Variants in SLC26A7 observed in about 807,000 individuals in gnomAD.
SLC26A7 encodes the protein solute carrier family 26 member 7, also known as anion exchange transporter.
In SLC26A7, 59 loss-of-function variants were observed where a neutral mutation model predicts 82.5. The observed-to-expected ratio is 0.72, with a 90% CI of 0.58 to 0.89. The LOEUF is 0.89. SLC26A7 is among the 40% of genes least tolerant of loss of function. SLC26A7 has a pLI of 0.00. For synonymous variants in SLC26A7, 271 were observed against 274.3 expected, an observed-to-expected ratio of 0.99 and a Z score of 0.12; for missense variants, 820 against 793.0, an observed-to-expected ratio of 1.03 and a Z score of -0.41.
chr8:91,310,970 T>C (rs994188149), intron 4 of SLC26A7, among the ~76,000 whole-genome samples: 1 of 152,198 alleles, frequency 6.6e-6, no homozygotes, highest in Non-Finnish European at 1.5e-5. Context: ...AATCCTGCTG[T>C]AAAACTTGTC....
chr8:91,324,800 A>G (rs1812890716), intron 5 of SLC26A7, among the ~76,000 whole-genome samples: 1 of 152,170 alleles, frequency 6.6e-6, no homozygotes, highest in Non-Finnish European at 1.5e-5. Context: ...GTCTGCTTAG[A>G]TAAGATGGCC....
intron 16 of SLC26A7, among the ~76,000 whole-genome samples, chr8:91,390,148 T>G (rs1472245499): frequency 6.7e-6 from 1 of 148,388 alleles, no homozygotes; most frequent in African/African-American, 2.5e-5. Context: ...TCTCGCTCTA[T>G]CGCCCAGGCT....
intron 2 of SLC26A7, among the ~76,000 whole-genome samples, chr8:91,270,268 C>CTTAA (rs1250327153): frequency 6.6e-6 from 1 of 152,184 alleles, no homozygotes; most frequent in Non-Finnish European, 1.5e-5. Flanking sequence ...AACTTAATCG[C>CTTAA]AGGCCTGCTA....
intron 2 of SLC26A7, among the ~76,000 whole-genome samples, chr8:91,254,554 T>C (rs1810749251): frequency 6.6e-6 from 1 of 152,164 alleles, no homozygotes; most frequent in Non-Finnish European, 1.5e-5. Flanking sequence ...TATAATCATA[T>C]GCATTGTCTG....
chr8:91,395,490 G>T lies in SLC26A7; in HGVS notation c.*393G>T. 1 of 181,464 alleles carries T rather than the reference G, an allele frequency of 5.5e-6. No individual in the cohort carries two copies. Among genetic ancestry groups the T allele is most frequent in the Non-Finnish European group, 1.1e-5 (1 of 88,238 alleles). The allele number at this position is 181,464 out of a possible 1,614,324, so 11.2% of individuals were successfully genotyped here. A position where few individuals can be genotyped will look rare whatever the true frequency, so the allele number is the denominator to read the frequency against. The stretch of plus-strand genomic sequence containing the variant: ...TTACAAGCCATTTGTAAAATTTTAA[G>T]ATAATCTGTAACTAATACATAAAAA... On this transcript the variant is annotated 3_prime_UTR_variant, in exon 19 of 19. Transcript: ENST00000276609.
chr8:91,274,339 G>A (rs1030870640), intron 2 of SLC26A7, among the ~76,000 whole-genome samples: 3 of 152,196 alleles, frequency 2.0e-5, no homozygotes, highest in Non-Finnish European at 2.9e-5. Flanking sequence ...TGGATAAATT[G>A]TAATGGACAG....
In SLC26A7 at chr8:91,396,842, T is replaced by G. The variant is rs4734032; in HGVS notation, c.*1745T>G. ...GGCGGATGGTAATATTCACCATCTC[T>G]AATTCATTGGTCACTGGTAGGTAAG... On this transcript the variant is annotated 3_prime_UTR_variant, in exon 19 of 19. Transcript: ENST00000276609. The G allele has an allele frequency of 1.3e-5, 2 of 152,018 alleles. No individual in the cohort carries two copies. Among genetic ancestry groups the G allele is most frequent in the African/African-American group, 4.8e-5 (2 of 41,402 alleles). 9.4% of individuals were successfully genotyped at this position (152,018 alleles called of 1,614,324 possible).
chr8:91,221,980 G>T (rs1810166942), intron 2 of SLC26A7, among the ~76,000 whole-genome samples: 1 of 152,026 alleles, frequency 6.6e-6, no homozygotes, highest in Non-Finnish European at 1.5e-5. Context: ...CCATTTTCAT[G>T]ATATTGATTC....
chr8:91,355,357 AAT>A (rs1431661378), intron 11 of SLC26A7, among the ~76,000 whole-genome samples: 1 of 151,954 alleles, frequency 6.6e-6, no homozygotes, highest in African/African-American at 2.4e-5. Context: ...TATATCTTTG[AAT>A]ATTTTTTCAA....
At chr8:91,289,894 T>G (rs577043252) in intron 3 of SLC26A7, among the ~76,000 whole-genome samples, 3 of 152,270 alleles carry the variant, frequency 2.0e-5, no homozygotes, top group Non-Finnish European at 4.4e-5. Flanking sequence ...TGAGGGGTGA[T>G]TTGGTATTAG....
intron 8 of SLC26A7, among the ~76,000 whole-genome samples, chr8:91,341,907 C>T (rs1813425843): frequency 6.6e-6 from 1 of 152,020 alleles, no homozygotes; most frequent in African/African-American, 2.4e-5. Context: ...CTGCTTAGCT[C>T]CTCCATTTAT....
chr8:91,240,240 A>G (rs1407270585), intron 2 of SLC26A7, among the ~76,000 whole-genome samples: 1 of 152,200 alleles, frequency 6.6e-6, no homozygotes, highest in African/African-American at 2.4e-5. Context: ...GTAAAGTTCC[A>G]TAAGGATTGG....
chr8:91,372,568 C>G (rs953515419), intron 15 of SLC26A7, among the ~76,000 whole-genome samples: 2 of 151,930 alleles, frequency 1.3e-5, no homozygotes, highest in African/African-American at 4.8e-5. Context: ...TCTGGATTCT[C>G]TATTCTGTTC....
intron 13 of SLC26A7, among the ~76,000 whole-genome samples, chr8:91,365,018 T>G (rs1352180586): frequency 6.7e-6 from 1 of 149,646 alleles, no homozygotes; most frequent in Non-Finnish European, 1.5e-5. Flanking sequence ...AATCTGTCAT[T>G]TATCTTTTCC....
intron 4 of SLC26A7, among the ~76,000 whole-genome samples, chr8:91,302,607 G>A (rs1812197734): frequency 6.6e-6 from 1 of 152,022 alleles, no homozygotes; most frequent in Non-Finnish European, 1.5e-5. Context: ...TATTTAGAAT[G>A]TACAATTTGA....
chr8:91,285,294 TG>T (rs1436256383), intron 2 of SLC26A7, among the ~76,000 whole-genome samples: 1 of 129,280 alleles, frequency 7.7e-6, no homozygotes, highest in African/African-American at 2.8e-5. Context: ...CATCTTCATG[TG>T]GCATTCACAT....
intron 15 of SLC26A7, among the ~76,000 whole-genome samples, chr8:91,372,772 A>T (rs1222196959): frequency 6.6e-6 from 1 of 151,248 alleles, no homozygotes. Context: ...GTGAAAAGTG[A>T]TATAATGTGT....
chr8:91,278,089 G>A (rs991117077), intron 2 of SLC26A7, among the ~76,000 whole-genome samples: 8 of 152,120 alleles, frequency 5.3e-5, no homozygotes, highest in Non-Finnish European at 1.2e-4. Flanking sequence ...GGGGGAGGAG[G>A]GAAGTGGAAA....
At chr8:91,373,447 T>A (rs1221624822) in intron 15 of SLC26A7, among the ~76,000 whole-genome samples, 2 of 152,038 alleles carry the variant, frequency 1.3e-5, no homozygotes, top group East Asian at 3.8e-4. Flanking sequence ...TGTTGGATTT[T>A]ACTGAATATT....
Sources: gnomAD v4.1 joint callset for allele counts (sites outside exome capture counted in the v4.1 genomes callset) on GRCh38, gnomAD v4.1.1 for gene constraint, MANE v1.5 for transcripts, NCBI Gene and HGNC (gene_info 2026-07-23, HGNC 2026-07-21) for gene names.